Variants in PDE7B observed in about 807,000 individuals in gnomAD.
PDE7B encodes the protein phosphodiesterase 7B.
In PDE7B, 29 loss-of-function variants were observed where a neutral mutation model predicts 56.2. The ratio of observed to expected loss-of-function variants is 0.52; its 90% CI spans 0.38 to 0.70. PDE7B has a LOEUF of 0.70. Ranked by LOEUF, PDE7B falls within the 30% of genes least tolerant of loss-of-function variation. The probability of loss-of-function intolerance (pLI) is 0.00; values close to 1 mark genes in which losing one functional copy is unlikely to be tolerated. For synonymous variants in PDE7B, 197 were observed against 196.9 expected (o/e 1.00, Z 0.00); for missense variants, 490 against 565.0 (o/e 0.87, Z 1.35).
chr6:136,001,216 A>G (rs1231959520), intron 2 of PDE7B, among the ~76,000 whole-genome samples: 2 of 152,230 alleles, frequency 1.3e-5, no homozygotes, highest in Admixed American at 6.5e-5. Flanking sequence ...CCATCATCAA[A>G]GACCAAAAGT....
chr6:135,900,131 A>T (rs916625532), intron 1 of PDE7B, among the ~76,000 whole-genome samples: 2 of 152,002 alleles, frequency 1.3e-5, no homozygotes, highest in African/African-American at 4.8e-5. Flanking sequence ...TTATCTTTTA[A>T]AAAGGGAAAA....
chr6:136,020,081 C>T (rs2128208004), intron 2 of PDE7B, among the ~76,000 whole-genome samples: 1 of 152,304 alleles, frequency 6.6e-6, no homozygotes, highest in East Asian at 1.9e-4. Context: ...TAAGGCATAA[C>T]AATATCACTT....
chr6:135,961,011 T>C (rs1490620524), intron 2 of PDE7B, among the ~76,000 whole-genome samples: 1 of 152,204 alleles, frequency 6.6e-6, no homozygotes, highest in Admixed American at 6.5e-5. Context: ...CCATGTCCAT[T>C]CATTTACATA....
intron 2 of PDE7B, among the ~76,000 whole-genome samples, chr6:136,053,473 G>T (rs1033941869): frequency 6.6e-6 from 1 of 152,124 alleles, no homozygotes. Flanking sequence ...GGACATTTGG[G>T]TTGGTTCCAA....
intron 1 of PDE7B, among the ~76,000 whole-genome samples, chr6:135,887,549 T>C (rs1304528260): frequency 6.6e-6 from 1 of 152,192 alleles, no homozygotes; most frequent in Admixed American, 6.6e-5. Flanking sequence ...ATACTAAATA[T>C]ACACTTAAGT....
chr6:136,173,901 GA>G lies in PDE7B; in HGVS notation c.803+14del. The G allele has an allele frequency of 6.3e-7, 1 of 1,575,376 alleles. No homozygotes were observed. Among genetic ancestry groups the G allele is most frequent in the South Asian group, 1.1e-5 (1 of 90,270 alleles). On this transcript the variant is annotated intron_variant, in intron 9 of 12. Transcript: ENST00000308191. ...CAAAGGAAATGACGTAAGTGCTGCC[GA>G]GATGAAACATACTGATGTGCATGCA...
At chr6:135,938,969 G>T (rs1378880071) in intron 1 of PDE7B, among the ~76,000 whole-genome samples, 1 of 152,220 alleles carries the variant, frequency 6.6e-6, no homozygotes, top group Non-Finnish European at 1.5e-5. Flanking sequence ...AAAAATAGGG[G>T]TATGTAATAA....
intron 9 of PDE7B, among the ~76,000 whole-genome samples, chr6:136,176,736 A>G (rs1388286677): frequency 6.6e-6 from 1 of 152,128 alleles, no homozygotes; most frequent in Non-Finnish European, 1.5e-5. Flanking sequence ...ACATTGTACT[A>G]ATTTATACTC....
intron 1 of PDE7B, among the ~76,000 whole-genome samples, chr6:135,854,834 T>C (rs1774996472): frequency 6.6e-6 from 1 of 152,228 alleles, no homozygotes; most frequent in East Asian, 1.9e-4. Context: ...AAAAGGGATG[T>C]AGAAACCCAA....
At chr6:136,188,207 TATAAA>T (rs1215720582) in intron 12 of PDE7B, among the ~76,000 whole-genome samples, 1 of 152,132 alleles carries the variant, frequency 6.6e-6, no homozygotes, top group Non-Finnish European at 1.5e-5. Flanking sequence ...TAAATCTAGC[TATAAA>T]GATTTCAATG....
At chr6:135,891,088 A>G (rs1448137390) in intron 1 of PDE7B, among the ~76,000 whole-genome samples, 3 of 152,236 alleles carry the variant, frequency 2.0e-5, no homozygotes, top group South Asian at 2.1e-4. Context: ...AAAGGGACAC[A>G]TTCTTCAAGT....
chr6:135,901,515 G>T (rs1038796690), intron 1 of PDE7B, among the ~76,000 whole-genome samples: 1 of 152,194 alleles, frequency 6.6e-6, no homozygotes, highest in Middle Eastern at 3.4e-3. Context: ...AACCTGAAAG[G>T]GGTGGGAGCT....
At chr6:136,141,226 T>C (rs1246202425) in intron 3 of PDE7B, among the ~76,000 whole-genome samples, 2 of 152,198 alleles carry the variant, frequency 1.3e-5, no homozygotes, top group African/African-American at 4.8e-5. Flanking sequence ...GAGATAATCA[T>C]GTAGTTTTTG....
intron 2 of PDE7B, among the ~76,000 whole-genome samples, chr6:135,994,868 A>G (rs535759112): frequency 2.0e-5 from 3 of 152,364 alleles, no homozygotes; most frequent in East Asian, 3.9e-4. Flanking sequence ...AATGTGGCAT[A>G]GAAACAGTGA....
intron 1 of PDE7B, among the ~76,000 whole-genome samples, chr6:135,930,871 A>G (rs1036179737): frequency 6.6e-6 from 1 of 152,206 alleles, no homozygotes; most frequent in Non-Finnish European, 1.5e-5. Flanking sequence ...TGTGTCATTG[A>G]AAGTTTGCAT....
rs191901845 is a variant in PDE7B, at chr6:135,864,811, C to A, written c.21+12792C>A. On this transcript the variant is annotated intron_variant, in intron 1 of 12. Coordinates refer to ENST00000308191, the MANE Select transcript of PDE7B (RefSeq NM_018945.4). ...TTCTTTTTTTATTATTATTATTATA[C>A]TTTAAGTTCTAGGGTACATGTGCAC... 5.7e-4 allele frequency among the ~76,000 whole-genome samples: 87 copies of A among 151,936 alleles called. No homozygotes were observed. In the East Asian group the frequency reaches 0.012, roughly 21 times the overall value.
chr6:136,171,040 A>G (rs1778870443), intron 8 of PDE7B, among the ~76,000 whole-genome samples: 1 of 152,208 alleles, frequency 6.6e-6, no homozygotes, highest in African/African-American at 2.4e-5. Flanking sequence ...GACTGAATAA[A>G]CAAAATATTG....
At position 135,875,104 on chromosome 6, in the gene PDE7B, T is replaced by C. The variant is rs554254422; in HGVS notation, c.21+23085T>C. Among the ~76,000 whole-genome samples, 13 of 152,158 alleles carry C rather than the reference T, an allele frequency of 8.5e-5. No homozygotes were observed. In the East Asian group the frequency reaches 1.9e-3, roughly 23 times the overall value. ...TTTTTTATCCTCTTACTTTCAACATTTCTGTGAGTGCATATTCTTGGTGTG... is the reference window on the plus strand; with the variant it reads ...TTTTTTATCCTCTTACTTTCAACATCTCTGTGAGTGCATATTCTTGGTGTG... On this transcript the variant is annotated intron_variant, in intron 1 of 12. Transcript: ENST00000308191.
chr6:136,174,873 CT>C (rs1778951088), intron 9 of PDE7B, among the ~76,000 whole-genome samples: 1 of 152,012 alleles, frequency 6.6e-6, no homozygotes, highest in African/African-American at 2.4e-5. Flanking sequence ...ACTTATGCCT[CT>C]TACTAGAATA....
Sources: allele counts gnomAD v4.1 joint callset (sites outside exome capture counted in the v4.1 genomes callset), GRCh38; gene constraint gnomAD v4.1.1; transcripts MANE v1.5; gene names NCBI Gene and HGNC (gene_info 2026-07-23, HGNC 2026-07-21).